Variants in TEAD1 observed in about 807,000 individuals in gnomAD.
TEAD1 encodes the protein TEA domain transcription factor 1.
TEAD1 carries 9 observed loss-of-function variants against 54.9 expected under a neutral mutation model. The observed-to-expected ratio is 0.16, with a 90% confidence interval of 0.10 to 0.29. The LOEUF is 0.29. Among genes scored for constraint, TEAD1 ranks in the 10% least tolerant of loss-of-function variants. TEAD1 has a pLI of 1.00. For synonymous variants in TEAD1, 200 were observed against 187.8 expected (o/e 1.07, Z -0.53); for missense variants, 387 against 535.9 (o/e 0.72, Z 2.74).
At chr11:12,710,711 G>T (rs376227168) in intron 2 of TEAD1, among the ~76,000 whole-genome samples, 42 of 152,300 alleles carry the variant, frequency 2.8e-4, no homozygotes, top group African/African-American at 9.6e-4. Flanking sequence ...TGTTCTCATG[G>T]AGCTTCTGTT....
chr11:12,891,844 C>A (rs1646292788), intron 9 of TEAD1, among the ~76,000 whole-genome samples: 1 of 152,168 alleles, frequency 6.6e-6, no homozygotes, highest in African/African-American at 2.4e-5. Flanking sequence ...GATTTGGGCT[C>A]CAGGACAGGA....
intron 4 of TEAD1, 164 bp from the exon 5 acceptor site, chr11:12,864,674 C>A: frequency 1.4e-6 from 2 of 1,426,688 alleles, no homozygotes; most frequent in Non-Finnish European, 1.9e-6. Flanking sequence ...CTCATAAACC[C>A]GAACAATGTA....
chr11:12,752,356 G>A (rs1446081255), intron 2 of TEAD1, among the ~76,000 whole-genome samples: 2 of 151,506 alleles, frequency 1.3e-5, no homozygotes, highest in African/African-American at 2.4e-5. Flanking sequence ...GGCATCCAGA[G>A]CCATTGATCT....
chr11:12,823,356 T>A (rs1011409760), intron 3 of TEAD1: 6 of 152,188 alleles, frequency 3.9e-5, no homozygotes, highest in African/African-American at 1.4e-4. Context: ...AGGTAGTGGT[T>A]GATTCACAAG....
At position 12,864,648 on chromosome 11, in the gene TEAD1, T is replaced by C; in HGVS notation, c.268-190T>C. 2.1e-6 allele frequency: 3 copies of C among 1,400,202 alleles called. 1 individual carries two copies. The South Asian group carries it at 4.4e-5, about 20-fold the overall frequency. The allele number at this position is 1,400,202 out of a possible 1,614,324, so 86.7% of individuals were successfully genotyped here. On this transcript the variant is annotated intron_variant, in intron 4 of 12. Coordinates refer to ENST00000527636, the MANE Select transcript of TEAD1 (RefSeq NM_021961.6). ...TTTTGTTTTGTTTTGTTTTGTTTTG[T>C]TTTGTTTTGTTTCCCCTCATAAACC...
At chr11:12,733,409 G>C (rs1944463006) in intron 2 of TEAD1, among the ~76,000 whole-genome samples, 1 of 152,168 alleles carries the variant, frequency 6.6e-6, no homozygotes, top group Non-Finnish European at 1.5e-5. Context: ...CCAGCTCTTT[G>C]ATTAACTGAA....
intron 2 of TEAD1, among the ~76,000 whole-genome samples, chr11:12,751,069 G>A (rs867216823): frequency 3.9e-5 from 6 of 152,052 alleles, no homozygotes; most frequent in African/African-American, 4.8e-5. Flanking sequence ...CCAGCACTTC[G>A]GGAAGCTGAG....
At chr11:12,858,455 T>C (rs1564966288) in intron 3 of TEAD1, among the ~76,000 whole-genome samples, 1 of 152,238 alleles carries the variant, frequency 6.6e-6, no homozygotes, top group Non-Finnish European at 1.5e-5. Context: ...ATGAAGTAGC[T>C]CATTTAGACA....
chr11:12,869,523 A>G (rs1274639663), intron 5 of TEAD1, among the ~76,000 whole-genome samples: 1 of 152,244 alleles, frequency 6.6e-6, no homozygotes, highest in Non-Finnish European at 1.5e-5. Flanking sequence ...TTTAAAAATC[A>G]ACTTATTAAA....
chr11:12,864,850 A>G lies in TEAD1; in HGVS notation c.280A>G (p.Ile94Val). The G allele has an allele frequency of 1.9e-6, 3 of 1,614,130 alleles. No homozygotes were observed. The highest frequency in any genetic ancestry group is 2.5e-6 in the Non-Finnish European group (3 of 1,180,016). Residue 94 changes from isoleucine to valine, a missense_variant, in exon 5 of 13, where the codon ATT becomes GTT. By Grantham distance (29) the Ile-to-Val change is conservative. Transcript: ENST00000527636. ...CCCTACCCTGCAGGTGTCTAGTCAC[A>G]TTCAGGTTCTTGCCAGAAGGAAATC...
At chr11:12,919,856 A>G (rs530371974) in intron 10 of TEAD1, among the ~76,000 whole-genome samples, 41 of 152,284 alleles carry the variant, frequency 2.7e-4, no homozygotes, top group South Asian at 1.9e-3. Flanking sequence ...TAGAACATCT[A>G]TATGCTTCAA....
chr11:12,905,194 T>C (rs1948497564), intron 10 of TEAD1, among the ~76,000 whole-genome samples: 2 of 152,224 alleles, frequency 1.3e-5, no homozygotes, highest in South Asian at 4.1e-4. Flanking sequence ...AGAAAGTCTT[T>C]TTTGGTTTTG....
intron 9 of TEAD1, among the ~76,000 whole-genome samples, chr11:12,889,988 C>T (rs1274776535): frequency 6.6e-6 from 1 of 152,132 alleles, no homozygotes; most frequent in Non-Finnish European, 1.5e-5. Context: ...TCCCAAAGTG[C>T]TGGGATTACA....
intron 1 of TEAD1, among the ~76,000 whole-genome samples, chr11:12,675,115 G>C (rs1158840610): frequency 2.0e-5 from 3 of 147,362 alleles, no homozygotes; most frequent in African/African-American, 7.3e-5. Flanking sequence ...CGGCCGCGCC[G>C]CGCCCCCCGC....
intron 5 of TEAD1, among the ~76,000 whole-genome samples, chr11:12,877,263 A>G (rs996700239): frequency 4.6e-5 from 7 of 152,186 alleles, no homozygotes; most frequent in African/African-American, 1.7e-4. Context: ...GGGAGGTGTC[A>G]TTACAGATGT....
At chr11:12,812,118 G>A (rs1946314307) in intron 3 of TEAD1, among the ~76,000 whole-genome samples, 1 of 152,086 alleles carries the variant, frequency 6.6e-6, no homozygotes, top group African/African-American at 2.4e-5. Context: ...GGCCGGGGTG[G>A]TGCTCAGAAA....
At chr11:12,857,494 A>C (rs923067260) in intron 3 of TEAD1, among the ~76,000 whole-genome samples, 1 of 152,164 alleles carries the variant, frequency 6.6e-6, no homozygotes, top group Non-Finnish European at 1.5e-5. Flanking sequence ...TTAGGAAAAT[A>C]ATAAGTAACT....
intron 9 of TEAD1, among the ~76,000 whole-genome samples, chr11:12,892,527 C>T (rs1390114689): frequency 1.3e-5 from 2 of 152,070 alleles, no homozygotes; most frequent in African/African-American, 4.8e-5. Flanking sequence ...GCCTGTAATC[C>T]CAGCTACTCG....
At chr11:12,861,185 T>C (rs1178699618) in intron 3 of TEAD1, among the ~76,000 whole-genome samples, 1 of 152,236 alleles carries the variant, frequency 6.6e-6, no homozygotes, top group Non-Finnish European at 1.5e-5. Context: ...CCATGTCTTG[T>C]ATGAGTGGTT....
Sources: gnomAD v4.1 joint callset for allele counts (sites outside exome capture counted in the v4.1 genomes callset) on GRCh38, gnomAD v4.1.1 for gene constraint, MANE v1.5 for transcripts, NCBI Gene and HGNC (gene_info 2026-07-23, HGNC 2026-07-21) for gene names.